CHI3L1: variants seen among roughly 807,000 people sequenced by gnomAD.
CHI3L1 encodes chitinase 3 like 1.
CHI3L1 carries 30 observed loss-of-function variants against 40.7 expected under a neutral mutation model. That is an observed-to-expected ratio of 0.74 (90% CI 0.55 to 1.00). The LOEUF (loss-of-function observed/expected upper bound fraction) is 1.00. Among genes scored for constraint, CHI3L1 ranks in the 50% least tolerant of loss-of-function variants. The pLI, the probability that CHI3L1 is intolerant of heterozygous loss-of-function variation, is 0.00. For missense variants in CHI3L1, 493 were observed against 492.2 expected (o/e 1.00, Z -0.01); for synonymous variants, 210 against 192.1 (o/e 1.09, Z -0.77).
At chr1:203,184,439 C>A in intron 4 of CHI3L1, 137 bp downstream of exon 4, 1 of 685,180 alleles carries the variant, frequency 1.5e-6, no homozygotes, top group Non-Finnish European at 2.6e-6. Context: ...TCAGGCAGGC[C>A]CTTGACAAAC....
chr1:203,182,970 G>T (rs1465489276), intron 5 of CHI3L1, 118 bp from the exon 6 acceptor site: 3 of 1,055,058 alleles, frequency 2.8e-6, no homozygotes, highest in Non-Finnish European at 4.1e-6. Flanking sequence ...CCTGCCTGGG[G>T]CCTAGTGGAA....
At chr1:203,181,552 C>T in intron 6 of CHI3L1, 1 of 295,836 alleles carries the variant, frequency 3.4e-6, no homozygotes, top group Non-Finnish European at 6.5e-6. Flanking sequence ...ACCCAGGCGG[C>T]AGAGGTTGTG....
At chr1:203,182,952 C>T in intron 5 of CHI3L1, 100 bp from the exon 6 acceptor site, 4 of 1,247,782 alleles carry the variant, frequency 3.2e-6, no homozygotes, top group Non-Finnish European at 4.5e-6. Flanking sequence ...ATTTGCTGTA[C>T]TCCCCAACCT....
Position 203,181,108 on chromosome 1 carries a change from C to T in CHI3L1, c.711+54G>A, listed in dbSNP as rs80003480. The T allele has an allele frequency of 1.5e-3, 2,475 of 1,601,520 alleles. 23 individuals carry two copies. In the African/African-American group the frequency reaches 0.027, roughly 17 times the overall value. On this transcript the variant is annotated intron_variant, in intron 7 of 9. Transcript: ENST00000255409. The stretch of plus-strand genomic sequence containing the variant: ...AGAGAGATTGGTGTGTGAGCACTGG[C>T]AGATGGCAGGTCTTGCGGCCCCCTC...
Position 203,185,188 on chromosome 1 carries a change from T to C in CHI3L1, c.253A>G (p.Asn85Asp). ...TLYGMLNTLK[N>D]RNPNLKTLLS... ...CCTGGCCAGCCCTGGCCCAACCTGT[T>C]CTTGAGTGTGTTGAGCATGCCGTAG... Residue 85 changes from asparagine (N) to aspartate (D), a missense_variant, in exon 3 of 10, where the codon AAC becomes GAC. Physicochemically the swap from Asn to Asp is conservative, Grantham distance 23 (BLOSUM62 1). Coordinates refer to ENST00000255409, the MANE Select transcript of CHI3L1 (RefSeq NM_001276.4). 2 of 1,613,696 alleles carry C rather than the reference T, an allele frequency of 1.2e-6. No individual in the cohort carries two copies. Among genetic ancestry groups the C allele is most frequent in the Non-Finnish European group, 1.7e-6 (2 of 1,179,832 alleles).
At chr1:203,181,124 C>A (rs781191148) in intron 7 of CHI3L1, 38 bp downstream of exon 7, 1 of 1,608,262 alleles carries the variant, frequency 6.2e-7, no homozygotes, top group Non-Finnish European at 8.5e-7. Context: ...GCAGGTCTTG[C>A]GGCCCCCTCC....
chr1:203,183,493 T>C, intron 5 of CHI3L1, 148 bp downstream of exon 5: 1 of 773,032 alleles, frequency 1.3e-6, no homozygotes, highest in Non-Finnish European at 2.1e-6. Flanking sequence ...ATGTGAGATC[T>C]TCAGGGCACA....
At chr1:203,179,733 C>T (rs1558147411) in intron 9 of CHI3L1, 28 bp downstream of exon 9, 11 of 1,614,068 alleles carry the variant, frequency 6.8e-6, no homozygotes, top group African/African-American at 1.3e-5. Context: ...TTCTCTTTGT[C>T]CTGAGGTGTG....
Position 203,186,307 on chromosome 1 carries a change from A to G in CHI3L1, c.55+9T>C, listed in dbSNP as rs1327637715. ...TGGACTTAAAAGTGGAGGTGGAGGG[A>G]TTACTCACAGCACTGGAGCAGCACC... On this transcript the variant is annotated intron_variant, in intron 2 of 9. Coordinates refer to ENST00000255409, the MANE Select transcript of CHI3L1 (RefSeq NM_001276.4). 3.8e-6 allele frequency: 6 copies of G among 1,584,912 alleles called. No homozygotes were observed. In the African/African-American group the frequency reaches 6.7e-5, roughly 18 times the overall value.
In CHI3L1 at chr1:203,179,785, G is replaced by A. The variant is rs1405592328; in HGVS notation, c.987C>T (p.Asp329=). ...CCTTGCTTTTGACGCTTTCCTGGTC[G>A]TCGTATCCTACCCACTGGTTGCCCT... ...ATKGNQWVGY[D]DQESVKSKVQ... Residue 329 remains aspartate (D), a synonymous_variant, in exon 9 of 10, where the codon GAC becomes GAT. Transcript: ENST00000255409. 1.3e-5 allele frequency: 21 copies of A among 1,614,096 alleles called. No individual in the cohort carries two copies. Among genetic ancestry groups the A allele is most frequent in the Admixed American group, 3.3e-5 (2 of 60,010 alleles).
chr1:203,186,447 C>CCCGCT, intron 1 of CHI3L1, 102 bp from the exon 2 acceptor site: 1 of 1,487,194 alleles, frequency 6.7e-7, no homozygotes, highest in South Asian at 1.2e-5. Flanking sequence ...CCCCCACCTC[C>CCCGCT]TGGTTGCAGC....
chr1:203,186,411 C>G, intron 1 of CHI3L1, 66 bp from the exon 2 acceptor site: 2 of 1,562,578 alleles, frequency 1.3e-6, no homozygotes, highest in South Asian at 1.2e-5. Context: ...CTCCCTCCCC[C>G]AAGCAACTGA....
chr1:203,184,526 C>A lies in CHI3L1; in HGVS notation c.314+50G>T, dbSNP rs778748808. 1.1e-5 allele frequency: 16 copies of A among 1,497,512 alleles called. No individual in the cohort carries two copies. In the South Asian group the frequency reaches 1.6e-4, roughly 15 times the overall value. The allele number at this position is 1,497,512 out of a possible 1,614,324, so 92.8% of individuals were successfully genotyped here. On this transcript the variant is annotated intron_variant, in intron 4 of 9. Coordinates refer to ENST00000255409, the MANE Select transcript of CHI3L1 (RefSeq NM_001276.4). ...GGATGCGGGAGACCCAAGCTCCTCA[C>A]TCCTATGCCATCATCCTCTGCCGTC...
At chr1:203,183,955 G>C (rs934483676) in intron 4 of CHI3L1, among the ~76,000 whole-genome samples, 164 bp from the exon 5 acceptor site, 8 of 152,206 alleles carry the variant, frequency 5.3e-5, no homozygotes, top group African/African-American at 9.7e-5. Context: ...ATGTGCCTTA[G>C]AGCCAGGCAT....
At chr1:203,182,983 G>T in intron 5 of CHI3L1, 131 bp from the exon 6 acceptor site, 1 of 906,514 alleles carries the variant, frequency 1.1e-6, no homozygotes, top group Non-Finnish European at 1.7e-6. Context: ...TAGTGGAAGT[G>T]ATAAAGTGGC....
At chr1:203,185,081 A>T (rs1656027523) in intron 3 of CHI3L1, 103 bp downstream of exon 3, 6 of 927,466 alleles carry the variant, frequency 6.5e-6, no homozygotes, top group Non-Finnish European at 1.0e-5. Context: ...CTCTCCAAAC[A>T]TAGGTGAGCA....
At position 203,180,532 on chromosome 1, in the gene CHI3L1, T is replaced by C. The variant is rs1284789974; in HGVS notation, c.832A>G (p.Ile278Val). The C allele has an allele frequency of 3.7e-6, 6 of 1,611,200 alleles. No homozygotes were observed. The highest frequency in any genetic ancestry group is 1.6e-4 in the Middle Eastern group (1 of 6,062). ...ASSETGVGAP[I>V]SGPGIPGRFT... Reference sequence around the variant, plus strand: ...CGGCCTGGAATTCCCGGTCCTGAGATTGGGGCTCCAACACCAGTCTCAGAA... The same window carrying C: ...CGGCCTGGAATTCCCGGTCCTGAGACTGGGGCTCCAACACCAGTCTCAGAA... Residue 278 changes from isoleucine (I) to valine (V), a missense_variant, in exon 8 of 10, where the codon ATC (isoleucine) becomes GTC (valine). Ile to Val is a conservative substitution (Grantham distance 29). Transcript: ENST00000255409.
At chr1:203,185,965 C>A (rs991569326) in intron 2 of CHI3L1, among the ~76,000 whole-genome samples, 7 of 152,168 alleles carry the variant, frequency 4.6e-5, no homozygotes, top group African/African-American at 1.7e-4. Context: ...GGAAATCCTT[C>A]CTCGCCTCTA....
In CHI3L1 at chr1:203,185,280, A is replaced by G; in HGVS notation, c.161T>C (p.Ile54Thr). The G allele has an allele frequency of 6.2e-7, 1 of 1,614,170 alleles. No homozygotes were observed. The highest frequency in any genetic ancestry group is 1.3e-5 in the African/African-American group (1 of 75,056). ...DALDRFLCTHIIYSFANISND... is the reference protein window; with the variant it reads ...DALDRFLCTHTIYSFANISND... Reference sequence around the variant, plus strand: ...GCTTATATTGGCAAAGCTGTAGATGATGTGGGTACAGAGGAAGCGGTCAAG... The same window carrying G: ...GCTTATATTGGCAAAGCTGTAGATGGTGTGGGTACAGAGGAAGCGGTCAAG... The change falls in exon 3 of 10, where the codon ATC (isoleucine) becomes ACC (threonine). Residue 54 changes from isoleucine (I) to threonine (T), a missense_variant. Ile to Thr is a moderately conservative substitution (Grantham distance 89, BLOSUM62 -1). Coordinates refer to ENST00000255409, the MANE Select transcript of CHI3L1 (RefSeq NM_001276.4).
Sources: gnomAD v4.1 joint callset for allele counts (sites outside exome capture counted in the v4.1 genomes callset) on GRCh38, gnomAD v4.1.1 for gene constraint, MANE v1.5 for transcripts, NCBI Gene and HGNC (gene_info 2026-07-23, HGNC 2026-07-21) for gene names.